Variants in PLXND1 observed in about 807,000 individuals in gnomAD.
PLXND1 encodes plexin D1.
In PLXND1, 54 loss-of-function variants were observed where a neutral mutation model predicts 197.7. That is an observed-to-expected ratio of 0.27 (90% confidence interval 0.22 to 0.34). PLXND1 has a LOEUF of 0.34. Among genes scored for constraint, PLXND1 ranks in the 10% least tolerant of loss-of-function variants. PLXND1 has a pLI of 1.00. For missense variants in PLXND1, 2,127 were observed against 2,699.2 expected (o/e 0.79, Z 4.70); for synonymous variants, 1,180 against 1,161.2 (o/e 1.02, Z -0.33).
At chr3:129,562,731 G>C in intron 27 of PLXND1, 56 bp downstream of exon 27, 1 of 1,523,672 alleles carries the variant, frequency 6.6e-7, no homozygotes, top group South Asian at 1.2e-5. Flanking sequence ...GTCAAGGCAG[G>C]GGCCAGCCCC....
At position 129,577,846 on chromosome 3, in the gene PLXND1, C is replaced by T. The variant is rs1359346656; in HGVS notation, c.2346+483G>A. Among the ~76,000 whole-genome samples, 5 of 152,242 alleles carry T rather than the reference C, an allele frequency of 3.3e-5. No individual in the cohort carries two copies. On this transcript the variant is annotated intron_variant, in intron 9 of 35. Coordinates refer to ENST00000324093, the MANE Select transcript of PLXND1 (RefSeq NM_015103.3). This position sits in a 1 kb window ranked among gnomAD's most constrained non-coding sequence, Gnocchi z 5.0. Reference sequence around the variant, plus strand: ...GATCTGGCGTCATCTACTTTTCCTTCCTGGGCCTCATCTTCCCCATCTGGA... The same window carrying T: ...GATCTGGCGTCATCTACTTTTCCTTTCTGGGCCTCATCTTCCCCATCTGGA...
At chr3:129,585,047 C>T (rs992105569) in intron 5 of PLXND1, among the ~76,000 whole-genome samples, 1 of 152,182 alleles carries the variant, frequency 6.6e-6, no homozygotes, top group Non-Finnish European at 1.5e-5. Context: ...TTTTATCTTG[C>T]CTATTCTCCT....
Position 129,557,121 on chromosome 3 carries a change from C to T in PLXND1, c.5548G>A (p.Glu1850Lys), listed in dbSNP as rs886392748. The T allele has an allele frequency of 2.5e-6, 4 of 1,613,964 alleles. No homozygotes were observed. Among genetic ancestry groups the T allele is most frequent in the Non-Finnish European group, 2.5e-6 (3 of 1,180,032 alleles). The change falls in exon 34 of 36, where the codon GAG (glutamate) becomes AAG (lysine). Residue 1850 changes from glutamate (E) to lysine (K), a missense_variant. Coordinates refer to ENST00000324093, the MANE Select transcript of PLXND1 (RefSeq NM_015103.3). This position sits in a 1 kb window ranked among gnomAD's most constrained non-coding sequence, Gnocchi z 4.8. ...GCCAGATGGGCATTCATCTCTTGCTCGCTGAGCGGCGTCATGTCCTGGATC... is the reference window on the plus strand; with the variant it reads ...GCCAGATGGGCATTCATCTCTTGCTTGCTGAGCGGCGTCATGTCCTGGATC... ...KQIQDMTPLS[E>K]QEMNAHLAEE...
At chr3:129,565,644 C>A in intron 24 of PLXND1, 106 bp from the exon 25 acceptor site, 1 of 1,068,852 alleles carries the variant, frequency 9.4e-7, no homozygotes, top group Non-Finnish European at 1.4e-6. Context: ...CCAGGAGTGC[C>A]TGTGTGGGTG....
At chr3:129,601,980 C>T (rs935079466) in intron 1 of PLXND1, among the ~76,000 whole-genome samples, 2 of 152,206 alleles carry the variant, frequency 1.3e-5, no homozygotes, top group Non-Finnish European at 2.9e-5. Flanking sequence ...GAATCTATTC[C>T]CGGGAGGCGG....
At chr3:129,566,056 C>T in intron 23 of PLXND1, 39 bp from the exon 24 acceptor site, 3 of 1,611,044 alleles carry the variant, frequency 1.9e-6, no homozygotes, top group Non-Finnish European at 2.5e-6. Context: ...CAGAGGGGCC[C>T]AGTGTCCCTG....
intron 2 of PLXND1, 28 bp downstream of exon 2, chr3:129,589,323 C>A: frequency 9.6e-7 from 1 of 1,044,006 alleles, no homozygotes; most frequent in African/African-American, 1.6e-5. Flanking sequence ...CACCCCCACC[C>A]CCTCCCCACA....
At position 129,577,053 on chromosome 3, in the gene PLXND1, C is replaced by G. The variant is rs764146387; in HGVS notation, c.2347-1198G>C. Among the ~76,000 whole-genome samples, 1 of 152,138 alleles carries G rather than the reference C, an allele frequency of 6.6e-6. No homozygotes were observed. Among genetic ancestry groups the G allele is most frequent in the Non-Finnish European group, 1.5e-5 (1 of 68,026 alleles). ...CCTCCCTGCTTCTGGGGTCCCAGCC[C>G]GGAAGCTAACACAGGAAAGTGGCTG... On this transcript the variant is annotated intron_variant, in intron 9 of 35. Transcript: ENST00000324093. The surrounding 1 kb of genome is among the most constrained non-coding windows in gnomAD (Gnocchi z 5.0).
intron 29 of PLXND1, chr3:129,560,931 G>T: frequency 4.5e-6 from 3 of 673,144 alleles, no homozygotes; most frequent in Non-Finnish European, 8.2e-6. Context: ...ATGCAGAGAC[G>T]CATGGGGAGA....
intron 23 of PLXND1, 58 bp downstream of exon 23, chr3:129,566,469 A>AG (rs551114657): frequency 2.0e-6 from 2 of 1,021,530 alleles, no homozygotes; most frequent in Non-Finnish European, 3.1e-6. Flanking sequence ...AAGGGGACCC[A>AG]GGGGGGAGCA....
At position 129,586,060 on chromosome 3, in the gene PLXND1, G is replaced by A; in HGVS notation, c.1743C>T (p.Cys581=). The change falls in exon 5 of 36, where the codon TGC becomes TGT. Residue 581 remains cysteine (C), a synonymous_variant. Coordinates refer to ENST00000324093, the MANE Select transcript of PLXND1 (RefSeq NM_015103.3). ...LETRCTLQQD[C]TNSSQQHFWT... The stretch of plus-strand genomic sequence containing the variant: ...AGAAATGCTGCTGGCTGGAATTGGT[G>A]CAGTCCTGCTGCAAGGTGCACCTGG... 1 of 1,613,962 alleles carries A rather than the reference G, an allele frequency of 6.2e-7. No individual in the cohort carries two copies. The highest frequency in any genetic ancestry group is 8.5e-7 in the Non-Finnish European group (1 of 1,179,992).
intron 8 of PLXND1, among the ~76,000 whole-genome samples, chr3:129,580,820 C>T (rs149493413): frequency 2.6e-4 from 40 of 152,132 alleles, no homozygotes; most frequent in Middle Eastern, 3.4e-3. Flanking sequence ...TCCCTCCCTA[C>T]GTCTCTGTAC....
Position 129,571,144 on chromosome 3 carries a change from T to C in PLXND1, c.3496A>G (p.Ser1166Gly). 6.2e-7 allele frequency: 1 copy of C among 1,614,220 alleles called. No homozygotes were observed. The change falls in exon 18 of 36, where the codon AGC (serine) becomes GGC (glycine). Residue 1166 changes from serine (S) to glycine (G), a missense_variant. By Grantham distance (56) the Ser-to-Gly change is moderately conservative. Around this residue, in one of 6 missense-constraint regions of PLXND1, gnomAD observed 532 missense variants for 811.0 expected, o/e 0.66. Coordinates refer to ENST00000324093, the MANE Select transcript of PLXND1 (RefSeq NM_015103.3). ...LLDPEEAQRG[S>G]RFRLDYLPNP... ...GGGAGGTAGTCCAGGCGGAACCTGC[T>C]GCCCCGCTGTGCCTCCTCGGGGTCC...
Position 129,570,945 on chromosome 3 carries a change from C to G in PLXND1, c.3601-10G>C. 6.2e-7 allele frequency: 1 copy of G among 1,614,180 alleles called. No homozygotes were observed. The highest frequency in any genetic ancestry group is 1.3e-5 in the African/African-American group (1 of 75,054). Reference sequence around the variant, plus strand: ...GGCTGTCCTGCTCCTTCTGTGGGTGCAAAGGGGGAGGATGCTCATGGGGAA... The same window carrying G: ...GGCTGTCCTGCTCCTTCTGTGGGTGGAAAGGGGGAGGATGCTCATGGGGAA... On this transcript the variant is annotated splice_polypyrimidine_tract_variant and intron_variant, in intron 18 of 35. Transcript: ENST00000324093.
chr3:129,555,383 G>C lies in PLXND1; in HGVS notation c.*929C>G. On this transcript the variant is annotated 3_prime_UTR_variant, in exon 36 of 36. Transcript: ENST00000324093. Reference sequence around the variant, plus strand: ...GTTTCTGGCAGGAACGGAGTGGGTGGTAGTCTCAGGCGCCAGGGGCGCTCT... The same window carrying C: ...GTTTCTGGCAGGAACGGAGTGGGTGCTAGTCTCAGGCGCCAGGGGCGCTCT... The C allele has an allele frequency of 1.6e-6, 1 of 626,580 alleles. No homozygotes were observed. Among genetic ancestry groups the C allele is most frequent in the East Asian group, 3.0e-5 (1 of 32,984 alleles). 38.8% of individuals were successfully genotyped at this position (626,580 alleles called of 1,614,324 possible).
At position 129,555,607 on chromosome 3, in the gene PLXND1, C is replaced by T. The variant is rs762194843; in HGVS notation, c.*705G>A. On this transcript the variant is annotated 3_prime_UTR_variant, in exon 36 of 36. Coordinates refer to ENST00000324093, the MANE Select transcript of PLXND1 (RefSeq NM_015103.3). ...TCAGCAAGATCAAGTAGCCCAGCTACAGCCTCGGTGCATCTTAACCCCTCT... is the reference window on the plus strand; with the variant it reads ...TCAGCAAGATCAAGTAGCCCAGCTATAGCCTCGGTGCATCTTAACCCCTCT... 1 of 627,136 alleles carries T rather than the reference C, an allele frequency of 1.6e-6. No homozygotes were observed. The highest frequency in any genetic ancestry group is 2.8e-6 in the Non-Finnish European group (1 of 354,932). The allele number at this position is 627,136 out of a possible 1,614,324, so 38.8% of individuals were successfully genotyped here. A position where few individuals can be genotyped will look rare whatever the true frequency, so the allele number is the denominator to read the frequency against.
In PLXND1 at chr3:129,559,799, G is replaced by A. The variant is rs1187748000; in HGVS notation, c.5134-16C>T. ...GCAACGTGCCCTGCGGGGGAGTGGGGTGGCCGCCGTCAGCCCCGGGCCACG... is the reference window on the plus strand; with the variant it reads ...GCAACGTGCCCTGCGGGGGAGTGGGATGGCCGCCGTCAGCCCCGGGCCACG... On this transcript the variant is annotated splice_polypyrimidine_tract_variant and intron_variant, in intron 31 of 35. Coordinates refer to ENST00000324093, the MANE Select transcript of PLXND1 (RefSeq NM_015103.3). 4 of 1,575,880 alleles carry A rather than the reference G, an allele frequency of 2.5e-6. No individual in the cohort carries two copies. Among genetic ancestry groups the A allele is most frequent in the Admixed American group, 3.5e-5 (2 of 57,148 alleles).
At chr3:129,584,597 G>A in intron 5 of PLXND1, 35 bp from the exon 6 acceptor site, 3 of 1,565,344 alleles carry the variant, frequency 1.9e-6, no homozygotes, top group Non-Finnish European at 2.6e-6. Context: ...TGGGGGTCCA[G>A]GCTATGCTCC....
At position 129,556,241 on chromosome 3, in the gene PLXND1, TAGA is replaced by T. The variant is rs2108759556; in HGVS notation, c.*68_*70del. The T allele has an allele frequency of 1.0e-6, 1 of 1,002,196 alleles. No homozygotes were observed. Among genetic ancestry groups the T allele is most frequent in the Non-Finnish European group, 1.6e-6 (1 of 630,600 alleles). 62.1% of individuals were successfully genotyped at this position (1,002,196 alleles called of 1,614,324 possible). On this transcript the variant is annotated 3_prime_UTR_variant, in exon 36 of 36. Transcript: ENST00000324093. Reference sequence around the variant, plus strand: ...CCCAGTCTGAGTCACAGGCACGGGGTAGAAGATCAAGTTGAGGCCCAGTGGGCG... The same window carrying T: ...CCCAGTCTGAGTCACAGGCACGGGGTAGATCAAGTTGAGGCCCAGTGGGCG...
Sources: gnomAD v4.1 joint callset for allele counts (sites outside exome capture counted in the v4.1 genomes callset) on GRCh38, gnomAD v4.1.1 for gene constraint, gnomAD v4.1.1 regional missense constraint, Gnocchi (gnomAD v3.1) non-coding constraint, MANE v1.5 for transcripts, NCBI Gene and HGNC (gene_info 2026-07-23, HGNC 2026-07-21) for gene names.